AHNAK2: variants seen among roughly 807,000 people sequenced by gnomAD.
The protein encoded by AHNAK2 is AHNAK nucleoprotein 2.
Under a neutral mutation model 30.7 loss-of-function variants are expected in AHNAK2, and 18 were observed. The ratio of observed to expected loss-of-function variants is 0.59; its 90% CI spans 0.41 to 0.87. The LOEUF (loss-of-function observed/expected upper bound fraction) is 0.87. AHNAK2 is among the 40% of genes least tolerant of loss of function. The pLI, the probability that AHNAK2 is intolerant of heterozygous loss-of-function variation, is 0.00. For missense variants in AHNAK2, 8,604 were observed against 7,373.0 expected, an observed-to-expected ratio of 1.17 and a Z score of -6.11; for synonymous variants, 3,590 against 3,073.8, an observed-to-expected ratio of 1.17 and a Z score of -5.56.
rs1898029902 is a variant in AHNAK2, at chr14:104,942,347, C to G, written c.13104G>C (p.Glu4368Asp). The change falls in exon 7 of 7, where the codon GAG becomes GAC. Residue 4368 changes from glutamate (E) to aspartate (D), a missense_variant. Glu to Asp is a conservative substitution (Grantham distance 45, BLOSUM62 2). Transcript: ENST00000333244. ...QAGQEDVKLP[E>D]GPVHEGAGLK... Reference sequence around the variant, plus strand: ...GGCCGGCTCCCTCATGCACAGGGCCCTCTGGGAGTTTCACATCCTCTTGGC... The same window carrying G: ...GGCCGGCTCCCTCATGCACAGGGCCGTCTGGGAGTTTCACATCCTCTTGGC... 6.2e-7 allele frequency: 1 copy of G among 1,612,822 alleles called. No homozygotes were observed. The highest frequency in any genetic ancestry group is 8.5e-7 in the Non-Finnish European group (1 of 1,179,666).
chr14:104,949,612 C>T lies in AHNAK2; in HGVS notation c.5839G>A (p.Val1947Ile), dbSNP rs1898540190. ...TCCATGCTGGGCAGAGACACCTCGA[C>T]ATCGGGGGCTGTCACTTCCGCCTTG... ...GPKAEVTAPD[V>I]EVSLPSMEVD... The change falls in exon 7 of 7, where the codon GTC becomes ATC. Residue 1947 changes from valine (V) to isoleucine (I), a missense_variant. Coordinates refer to ENST00000333244, the MANE Select transcript of AHNAK2 (RefSeq NM_138420.4). 1.3e-6 allele frequency: 2 copies of T among 1,589,304 alleles called. No individual in the cohort carries two copies. The highest frequency in any genetic ancestry group is 1.7e-6 in the Non-Finnish European group (2 of 1,163,500).
rs756294878 is a variant in AHNAK2, at chr14:104,949,423, A to T, written c.6028T>A (p.Ser2010Thr). The T allele has an allele frequency of 5.7e-6, 9 of 1,586,834 alleles. No homozygotes were observed. In the East Asian group the frequency reaches 1.8e-4, roughly 32 times the overall value. ...VSAPGRSIEA[S>T]VDVPAPKVEA... is the part of the protein sequence containing the mutation. ...ACCTTGGGTGCAGGCACATCCACCG[A>T]GGCCTCGATGGACCTCCCTGGGGCC... Residue 2010 changes from serine to threonine, a missense_variant, in exon 7 of 7, where the codon TCG becomes ACG. By Grantham distance (58) the Ser-to-Thr change is moderately conservative (BLOSUM62 1). Transcript: ENST00000333244.
chr14:104,938,170 T>G lies in AHNAK2; in HGVS notation c.17281A>C (p.Arg5761=). 1 of 1,613,932 alleles carries G rather than the reference T, an allele frequency of 6.2e-7. No individual in the cohort carries two copies. Among genetic ancestry groups the G allele is most frequent in the Non-Finnish European group, 8.5e-7 (1 of 1,179,828 alleles). The change falls in exon 7 of 7, where the codon AGA becomes CGA. Residue 5761 remains arginine (R), a synonymous_variant. Transcript: ENST00000333244. ...CTTGCCGCGGATGTCACCATCACTC[T>G]GGAGTCCAGCCCAGTGCCCACAGGC... ...IGPVGTGLDS[R]VMVTSAARTE...
In AHNAK2 at chr14:104,939,126, C is replaced by T. The variant is rs371445349; in HGVS notation, c.16325G>A (p.Gly5442Glu). The change falls in exon 7 of 7, where the codon GGG becomes GAG. Residue 5442 changes from glycine (G) to glutamate (E), a missense_variant. Coordinates refer to ENST00000333244, the MANE Select transcript of AHNAK2 (RefSeq NM_138420.4). ...GTCCACAGGCTGCTCCCCAGGGACCCCAGCACCTGCCTTCAGGATGCTGGC... is the reference window on the plus strand; with the variant it reads ...GTCCACAGGCTGCTCCCCAGGGACCTCAGCACCTGCCTTCAGGATGCTGGC... ...WGASILKAGAGVPGEQPVDLN... is the reference protein window; with the variant it reads ...WGASILKAGAEVPGEQPVDLN... The T allele has an allele frequency of 1.6e-5, 26 of 1,608,958 alleles. No individual in the cohort carries two copies. Among genetic ancestry groups the T allele is most frequent in the Non-Finnish European group, 1.5e-5 (18 of 1,177,946 alleles).
Position 104,941,405 on chromosome 14 carries a change from G to A in AHNAK2, c.14046C>T (p.Arg4682=), listed in dbSNP as rs779927677. 9.9e-6 allele frequency: 16 copies of A among 1,613,052 alleles called. No individual in the cohort carries two copies. Among genetic ancestry groups the A allele is most frequent in the Middle Eastern group, 1.6e-4 (1 of 6,084 alleles). Residue 4682 remains arginine, a synonymous_variant, in exon 7 of 7, where the codon CGC becomes CGT. Coordinates refer to ENST00000333244, the MANE Select transcript of AHNAK2 (RefSeq NM_138420.4). ...CAACAGCAAGCCCCAAGTTACCATC[G>A]CGAGATGGATCATGAAGATCACCTT... The part of the protein sequence containing the change: ...VHEGDLHDPS[R]DGNLGLAVGE...
chr14:104,961,975 A>C (rs1025853224), intron 1 of AHNAK2, among the ~76,000 whole-genome samples: 10 of 152,240 alleles, frequency 6.6e-5, no homozygotes, highest in Non-Finnish European at 1.5e-4. Flanking sequence ...CCTGTCTCAA[A>C]AAACAAACAA....
rs776668332 is a variant in AHNAK2 at position 104,945,759 on chromosome 14, A to G, written c.9692T>C (p.Met3231Thr). The G allele has an allele frequency of 1.9e-6, 3 of 1,594,662 alleles. No individual in the cohort carries two copies. Among genetic ancestry groups the G allele is most frequent in the South Asian group, 2.2e-5 (2 of 90,136 alleles). Residue 3231 changes from methionine to threonine, a missense_variant, in exon 7 of 7, where the codon ATG becomes ACG. Physicochemically the swap from Met to Thr is moderately conservative, Grantham distance 81 (BLOSUM62 -1). Coordinates refer to ENST00000333244, the MANE Select transcript of AHNAK2 (RefSeq NM_138420.4). The part of the protein sequence containing the change: ...GLKGHLPKLQ[M>T]PSFKMPKVDR... Reference sequence around the variant, plus strand: ...TACTTTGGGCATCTTGAAACTGGGCATCTGCAACTTGGGCAGGTGCCCTTT... The same window carrying G: ...TACTTTGGGCATCTTGAAACTGGGCGTCTGCAACTTGGGCAGGTGCCCTTT...
chr14:104,946,676 C>T lies in AHNAK2; in HGVS notation c.8775G>A (p.Leu2925=), dbSNP rs1360348981. 6.2e-7 allele frequency: 1 copy of T among 1,613,036 alleles called. No homozygotes were observed. Among genetic ancestry groups the T allele is most frequent in the Non-Finnish European group, 8.5e-7 (1 of 1,179,716 alleles). ...CCGTCACCTCCGCCTTGGGGCCTTT[C>T]AGGTCCAGCTTGGGGCCCTTGACGT... ...QIDVKGPKLD[L]KGPKAEVTAP... The change falls in exon 7 of 7, where the codon CTG becomes CTA. Residue 2925 remains leucine (L), a synonymous_variant. Transcript: ENST00000333244.
chr14:104,962,614 T>C (rs1899180566), intron 1 of AHNAK2, among the ~76,000 whole-genome samples: 1 of 152,066 alleles, frequency 6.6e-6, no homozygotes, highest in African/African-American at 2.4e-5. Context: ...TTTGGTACTT[T>C]TAGTAGAGAT....
rs1461459385 is a variant in AHNAK2, at chr14:104,957,620, G to T, written c.108C>A (p.Asp36Glu). 1 of 1,610,966 alleles carries T rather than the reference G, an allele frequency of 6.2e-7. No individual in the cohort carries two copies. Among genetic ancestry groups the T allele is most frequent in the Non-Finnish European group, 8.5e-7 (1 of 1,179,116 alleles). The part of the protein sequence containing the change: ...PGEPGAETED[D>E]HSVTEGPADE... ...TCCTCCTGCTCTCACTTACAGAGTG[G>T]TCATCTTCCGTTTCTGCACCTGGCT... Residue 36 changes from aspartate (D) to glutamate (E), a missense_variant, in exon 2 of 7, where the codon GAC becomes GAA. Physicochemically the swap from Asp to Glu is conservative, Grantham distance 45. Transcript: ENST00000333244.
Position 104,940,490 on chromosome 14 carries a change from G to A in AHNAK2, c.14961C>T (p.Ser4987=), listed in dbSNP as rs1897945859. ...CCACTTCATCCTTGTCTAAAACCAG[G>A]CTGAGTTTTGAGTCCTCCACGCTGC... ...PECSVEDSKL[S]LVLDKDEVAP... The change falls in exon 7 of 7, where the codon AGC becomes AGT. Residue 4987 remains serine (S), a synonymous_variant. Transcript: ENST00000333244. The surrounding 1 kb of genome is among the most constrained non-coding windows in gnomAD (Gnocchi z 4.4). 1.2e-6 allele frequency: 2 copies of A among 1,613,666 alleles called. No individual in the cohort carries two copies. Among genetic ancestry groups the A allele is most frequent in the African/African-American group, 1.3e-5 (1 of 74,928 alleles).
chr14:104,976,280 CA>C (rs1899589774), intron 1 of AHNAK2, among the ~76,000 whole-genome samples: 2 of 152,158 alleles, frequency 1.3e-5, no homozygotes, highest in African/African-American at 4.8e-5. Context: ...CCAGCATGGC[CA>C]CCAGGGGGCA....
Position 104,954,785 on chromosome 14 carries a change from A to G in AHNAK2, c.666T>C (p.Ala222=), listed in dbSNP as rs1898920380. The G allele has an allele frequency of 2.5e-6, 4 of 1,571,090 alleles. No homozygotes were observed. Among genetic ancestry groups the G allele is most frequent in the Non-Finnish European group, 3.5e-6 (4 of 1,158,954 alleles). ...QGKEKEDTDV[A]DGCRETPTKT... ...TCGTGGGGGTCTCTCTGCACCCATCAGCAACATCCGTGTCCTGAAACATAG... is the reference window on the plus strand; with the variant it reads ...TCGTGGGGGTCTCTCTGCACCCATCGGCAACATCCGTGTCCTGAAACATAG... Residue 222 remains alanine (A), a synonymous_variant, in exon 7 of 7, where the codon GCT becomes GCC. Transcript: ENST00000333244. This position sits in a 1 kb window ranked among gnomAD's most constrained non-coding sequence, Gnocchi z 4.3.
intron 1 of AHNAK2, among the ~76,000 whole-genome samples, chr14:104,968,393 T>G (rs550742409): frequency 4.6e-5 from 7 of 151,902 alleles, no homozygotes; most frequent in Middle Eastern, 3.2e-3. Flanking sequence ...GAGCAGATCC[T>G]GGCCGGGAGG....
Position 104,937,610 on chromosome 14 carries a change from G to A in AHNAK2, c.*453C>T, listed in dbSNP as rs1052823448. On this transcript the variant is annotated 3_prime_UTR_variant, in exon 7 of 7. Transcript: ENST00000333244. ...TCCTGGAATATACCGCACTCTGCCTGAAATAGGAAAACTATGTTTGCCGGG... is the reference window on the plus strand; with the variant it reads ...TCCTGGAATATACCGCACTCTGCCTAAAATAGGAAAACTATGTTTGCCGGG... The A allele has an allele frequency of 1.3e-5, 2 of 158,712 alleles. No homozygotes were observed. The highest frequency in any genetic ancestry group is 2.4e-5 in the African/African-American group (1 of 41,582). 9.8% of individuals were successfully genotyped at this position (158,712 alleles called of 1,614,324 possible). A position where few individuals can be genotyped will look rare whatever the true frequency, so the allele number is the denominator to read the frequency against.
chr14:104,942,361 C>A lies in AHNAK2; in HGVS notation c.13090G>T (p.Val4364Leu). ...DLEVQAGQED[V>L]KLPEGPVHEG... Reference sequence around the variant, plus strand: ...TGCACAGGGCCCTCTGGGAGTTTCACATCCTCTTGGCCAGCCTGGACCTCC... The same window carrying A: ...TGCACAGGGCCCTCTGGGAGTTTCAAATCCTCTTGGCCAGCCTGGACCTCC... The change falls in exon 7 of 7, where the codon GTG (valine) becomes TTG (leucine). Residue 4364 changes from valine to leucine, a missense_variant. Transcript: ENST00000333244. 1 of 1,612,146 alleles carries A rather than the reference C, an allele frequency of 6.2e-7. No homozygotes were observed. The highest frequency in any genetic ancestry group is 1.1e-5 in the South Asian group (1 of 91,012).
At chr14:104,977,006 A>G (rs956869001) in intron 1 of AHNAK2, among the ~76,000 whole-genome samples, 2 of 152,134 alleles carry the variant, frequency 1.3e-5, no homozygotes, top group African/African-American at 4.8e-5. Flanking sequence ...ACCGTGAAGC[A>G]GGTGCTGTAG....
Position 104,939,514 on chromosome 14 carries a change from T to C in AHNAK2, c.15937A>G (p.Met5313Val), listed in dbSNP as rs773488170. 3 of 1,613,726 alleles carry C rather than the reference T, an allele frequency of 1.9e-6. No homozygotes were observed. Among genetic ancestry groups the C allele is most frequent in the East Asian group, 4.5e-5 (2 of 44,892 alleles). Residue 5313 changes from methionine (M) to valine (V), a missense_variant, in exon 7 of 7, where the codon ATG becomes GTG. Physicochemically the swap from Met to Val is conservative, Grantham distance 21 (BLOSUM62 1). Coordinates refer to ENST00000333244, the MANE Select transcript of AHNAK2 (RefSeq NM_138420.4). ...KGPLPFQMPGMRLPETQVLPG... is the reference protein window; with the variant it reads ...KGPLPFQMPGVRLPETQVLPG... ...AGAACCTGGGTTTCTGGAAGCCTCA[T>C]GCCAGGCATCTGAAAAGGGAGAGGT...
chr14:104,955,824 T>C (rs558054679), intron 4 of AHNAK2, among the ~76,000 whole-genome samples, 191 bp from the exon 5 acceptor site: 2 of 152,348 alleles, frequency 1.3e-5, no homozygotes, highest in African/African-American at 4.8e-5. Context: ...GGAAGCCAGC[T>C]GGAACCTGCC....
Sources: allele counts gnomAD v4.1 joint callset (sites outside exome capture counted in the v4.1 genomes callset), GRCh38; gene constraint gnomAD v4.1.1; non-coding constraint Gnocchi (gnomAD v3.1); transcripts MANE v1.5; gene names NCBI Gene and HGNC (gene_info 2026-07-23, HGNC 2026-07-21).